Variants in RAB6B observed in about 807,000 individuals in gnomAD.
RAB6B encodes ras-related protein Rab-6B.
Under a neutral mutation model 31.2 loss-of-function variants are expected in RAB6B, and 7 were observed. That is an observed-to-expected ratio of 0.22 (90% CI 0.13 to 0.42). RAB6B has a LOEUF of 0.42. RAB6B is among the 10% of genes least tolerant of loss of function. The pLI is 1.00. For missense variants in RAB6B, 149 were observed against 280.6 expected (o/e 0.53, Z 3.35); for synonymous variants, 105 against 104.9 (o/e 1.00, Z -0.01).
chr3:133,871,613 G>A (rs1936324815), intron 1 of RAB6B, among the ~76,000 whole-genome samples: 1 of 152,312 alleles, frequency 6.6e-6, no homozygotes, highest in South Asian at 2.1e-4. Flanking sequence ...CTCCTCCACT[G>A]ACACTGCCTC....
chr3:133,829,465 C>T (rs570628054), intron 7 of RAB6B, among the ~76,000 whole-genome samples: 1 of 152,308 alleles, frequency 6.6e-6, no homozygotes, highest in East Asian at 1.9e-4. Flanking sequence ...GGGACTGGTT[C>T]CAAATGCACA....
In RAB6B at chr3:133,827,541, T is replaced by A. The variant is rs1392659504; in HGVS notation, c.*1247A>T. ...GGCTCTCTGGGGGCAAGCAGCCTTC[T>A]GGAGACCCCACCTGAACCACATCCT... On this transcript the variant is annotated 3_prime_UTR_variant, in exon 8 of 8. Transcript: ENST00000285208. 2.1e-5 allele frequency: 5 copies of A among 237,314 alleles called. No individual in the cohort carries two copies. In the South Asian group the frequency reaches 4.1e-4, roughly 20 times the overall value. 14.7% of individuals were successfully genotyped at this position (237,314 alleles called of 1,614,324 possible).
intron 2 of RAB6B, among the ~76,000 whole-genome samples, chr3:133,851,272 T>A (rs1034811293): frequency 7.9e-5 from 12 of 152,200 alleles, no homozygotes; most frequent in Non-Finnish European, 1.5e-4. Context: ...CAGGACATTG[T>A]TTGTTTTAGA....
chr3:133,877,471 G>C (rs1936412416), intron 1 of RAB6B, among the ~76,000 whole-genome samples: 1 of 152,048 alleles, frequency 6.6e-6, no homozygotes, highest in Non-Finnish European at 1.5e-5. Flanking sequence ...AGAAGGGCTG[G>C]GCCTCACAGT....
rs535973636 is a variant in RAB6B, at chr3:133,871,411, A to G, written c.71-6769T>C. Among the ~76,000 whole-genome samples, 26 of 152,364 alleles carry G rather than the reference A, an allele frequency of 1.7e-4. No homozygotes were observed. The East Asian group carries it at 4.4e-3, about 26-fold the overall frequency. Reference sequence around the variant, plus strand: ...TCACAGGGAACAACATTCCCGGGGAAGGGACTGGATGAAACGACAGTCATG... The same window carrying G: ...TCACAGGGAACAACATTCCCGGGGAGGGGACTGGATGAAACGACAGTCATG... On this transcript the variant is annotated intron_variant, in intron 1 of 7. Coordinates refer to ENST00000285208, the MANE Select transcript of RAB6B (RefSeq NM_016577.4).
At chr3:133,885,494 C>A (rs1212634990) in intron 1 of RAB6B, 5 of 702,402 alleles carry the variant, frequency 7.1e-6, no homozygotes, top group Non-Finnish European at 2.6e-6. Context: ...GGATGGGGGA[C>A]TCACACATCC....
chr3:133,879,699 T>C (rs1455773558), intron 1 of RAB6B, among the ~76,000 whole-genome samples: 18 of 152,202 alleles, frequency 1.2e-4, no homozygotes, highest in Non-Finnish European at 2.2e-4. Flanking sequence ...ACCAAACAGC[T>C]TGTGTAGACT....
chr3:133,835,679 A>G (rs1935724749), intron 6 of RAB6B, among the ~76,000 whole-genome samples: 1 of 152,078 alleles, frequency 6.6e-6, no homozygotes, highest in African/African-American at 2.4e-5. Flanking sequence ...AGAATCTCCA[A>G]TGTGACAGTA....
intron 1 of RAB6B, among the ~76,000 whole-genome samples, chr3:133,891,817 C>T (rs935791137): frequency 6.6e-6 from 1 of 152,190 alleles, no homozygotes; most frequent in African/African-American, 2.4e-5. Context: ...TCCAGCAGCA[C>T]AATACCAGGG....
Position 133,835,116 on chromosome 3 carries a change from G to A in RAB6B, c.496-475C>T, listed in dbSNP as rs192113518. 3.3e-5 allele frequency among the ~76,000 whole-genome samples: 5 copies of A among 152,338 alleles called. No individual in the cohort carries two copies. In the East Asian group the frequency reaches 9.6e-4, roughly 29 times the overall value. On this transcript the variant is annotated intron_variant, in intron 6 of 7. Coordinates refer to ENST00000285208, the MANE Select transcript of RAB6B (RefSeq NM_016577.4). ...CCGGCGCCAAGGCAGCGAACAGCAG[G>A]GCCAGGGCTGCATGGGCACAGTGGT...
intron 2 of RAB6B, among the ~76,000 whole-genome samples, chr3:133,850,416 T>A (rs1323738823): frequency 6.6e-6 from 1 of 152,168 alleles, no homozygotes; most frequent in Non-Finnish European, 1.5e-5. Flanking sequence ...CATTTAAAAA[T>A]AGTTCATATA....
At chr3:133,835,581 C>G (rs538085231) in intron 6 of RAB6B, among the ~76,000 whole-genome samples, 3 of 151,584 alleles carry the variant, frequency 2.0e-5, no homozygotes, top group African/African-American at 7.3e-5. Context: ...TTGGAGGTGA[C>G]AGGTACGAGG....
intron 2 of RAB6B, among the ~76,000 whole-genome samples, chr3:133,856,450 G>A (rs1479734395): frequency 6.6e-6 from 1 of 152,068 alleles, no homozygotes; most frequent in Admixed American, 6.5e-5. Context: ...GCAAGCAAGA[G>A]CTTCCCTGGA....
At chr3:133,892,397 G>T (rs929166247) in intron 1 of RAB6B, among the ~76,000 whole-genome samples, 1 of 152,112 alleles carries the variant, frequency 6.6e-6, no homozygotes, top group African/African-American at 2.4e-5. Flanking sequence ...CTCTTTCACT[G>T]GCTTGAGGTA....
At chr3:133,892,890 T>G (rs1936655989) in intron 1 of RAB6B, among the ~76,000 whole-genome samples, 1 of 152,242 alleles carries the variant, frequency 6.6e-6, no homozygotes, top group South Asian at 2.1e-4. Context: ...AAGAAGCGGC[T>G]GTGGAGGTGA....
Position 133,895,674 on chromosome 3 carries a change from G to A in RAB6B, c.-208C>T. ...CGGAGGAGGAGGAGGAGAGAGAGGC[G>A]GAGGCGGAGGAAGGCTGGGGCTGGG... is the stretch of plus-strand genomic sequence containing the variant. On this transcript the variant is annotated 5_prime_UTR_variant, in exon 1 of 8. Transcript: ENST00000285208. The A allele has an allele frequency of 1.7e-6, 1 of 584,460 alleles. No homozygotes were observed. The highest frequency in any genetic ancestry group is 3.0e-5 in the East Asian group (1 of 32,806). 36.2% of individuals were successfully genotyped at this position (584,460 alleles called of 1,614,324 possible).
At chr3:133,841,456 G>A in intron 3 of RAB6B, 66 bp from the exon 4 acceptor site, 2 of 1,568,070 alleles carry the variant, frequency 1.3e-6, no homozygotes, top group Non-Finnish European at 8.8e-7. Flanking sequence ...TCCTGGTCCG[G>A]GGGACTGGGA....
intron 1 of RAB6B, chr3:133,885,583 C>T (rs933197085): frequency 5.7e-6 from 4 of 702,916 alleles, no homozygotes; most frequent in Non-Finnish European, 1.0e-5. Context: ...GAGCAGGTAG[C>T]AGAGAGGGAG....
At chr3:133,830,210 C>T (rs1456900280) in intron 7 of RAB6B, among the ~76,000 whole-genome samples, 12 of 152,224 alleles carry the variant, frequency 7.9e-5, no homozygotes, top group Admixed American at 6.5e-5. Flanking sequence ...CTGGCCTGGG[C>T]ACAGGCCTCC....
Sources: allele counts gnomAD v4.1 joint callset (sites outside exome capture counted in the v4.1 genomes callset), GRCh38; gene constraint gnomAD v4.1.1; transcripts MANE v1.5; gene names NCBI Gene and HGNC (gene_info 2026-07-23, HGNC 2026-07-21).